UNC13C: variants seen among roughly 807,000 people sequenced by gnomAD.
UNC13C encodes the protein protein unc-13 homolog C.
Under a neutral mutation model 245.4 loss-of-function variants are expected in UNC13C, and 174 were observed. The observed-to-expected ratio is 0.71, with a 90% confidence interval of 0.63 to 0.80. The LOEUF (loss-of-function observed/expected upper bound fraction) is 0.80, where lower values mean the gene tolerates loss of function less well. Among genes scored for constraint, UNC13C ranks in the 30% least tolerant of loss-of-function variants. The pLI is 0.00. For synonymous variants in UNC13C, 992 were observed against 895.1 expected (o/e 1.11, Z -1.93); for missense variants, 2,829 against 2,602.9 (o/e 1.09, Z -1.89).
chr15:53,982,923 T>C (rs973873135), intron 1 of UNC13C, among the ~76,000 whole-genome samples: 2 of 152,176 alleles, frequency 1.3e-5, no homozygotes, highest in Non-Finnish European at 2.9e-5. Flanking sequence ...GACTTGCTTC[T>C]CCTGAGAGGC....
chr15:53,855,227 A>G, the UNC13C span, among the ~76,000 whole-genome samples: 2 of 152,186 alleles, frequency 1.3e-5, no homozygotes, highest in Non-Finnish European at 1.5e-5. Flanking sequence ...ATACAGAATC[A>G]TGTCATCTGT....
the UNC13C span, among the ~76,000 whole-genome samples, chr15:53,965,910 G>T: frequency 6.6e-6 from 1 of 152,068 alleles, no homozygotes; most frequent in Non-Finnish European, 1.5e-5. Context: ...CACTTTTTAT[G>T]GCTGCATAGT....
At chr15:54,584,289 G>C (rs769473628) in intron 30 of UNC13C, among the ~76,000 whole-genome samples, 3 of 152,204 alleles carry the variant, frequency 2.0e-5, no homozygotes, top group Non-Finnish European at 2.9e-5. Context: ...GAACACACTA[G>C]ACCTATTCTA....
intron 19 of UNC13C, among the ~76,000 whole-genome samples, chr15:54,468,898 A>C (rs1056061154): frequency 1.3e-5 from 2 of 151,512 alleles, no homozygotes; most frequent in African/African-American, 4.8e-5. Flanking sequence ...CCTTTGGCTC[A>C]AGATTACTTT....
chr15:54,483,697 C>T (rs1048852438), intron 19 of UNC13C, among the ~76,000 whole-genome samples: 10 of 152,066 alleles, frequency 6.6e-5, no homozygotes, highest in Non-Finnish European at 8.8e-5. Context: ...AGTTTCACCC[C>T]GTCTGCCTCT....
At chr15:53,927,748 A>G in the UNC13C span, among the ~76,000 whole-genome samples, 1 of 152,158 alleles carries the variant, frequency 6.6e-6, no homozygotes, top group Non-Finnish European at 1.5e-5. Context: ...AGTTTTAGAA[A>G]TGGATCCCTA....
the UNC13C span, among the ~76,000 whole-genome samples, chr15:53,961,920 C>G: frequency 6.6e-6 from 1 of 152,090 alleles, no homozygotes; most frequent in African/African-American, 2.4e-5. Flanking sequence ...CAAACTCCTT[C>G]TCTACTCTTC....
At chr15:54,393,002 T>C (rs762238266) in intron 17 of UNC13C, 46 bp from the exon 18 acceptor site, 11 of 1,476,948 alleles carry the variant, frequency 7.4e-6, no homozygotes, top group Non-Finnish European at 9.0e-6. Context: ...ACTAAAGTCA[T>C]CCCATTTAAC....
chr15:54,140,105 A>G (rs1422107113), intron 2 of UNC13C, among the ~76,000 whole-genome samples: 2 of 152,080 alleles, frequency 1.3e-5, no homozygotes, highest in Non-Finnish European at 2.9e-5. Flanking sequence ...GATTCATCTC[A>G]TAGTGCTTCT....
At chr15:54,399,999 C>G (rs183622466) in intron 18 of UNC13C, among the ~76,000 whole-genome samples, 1 of 151,986 alleles carries the variant, frequency 6.6e-6, no homozygotes, top group Admixed American at 6.6e-5. Context: ...CCTGTATATC[C>G]ATTATTCAAA....
chr15:54,457,345 T>C (rs932373578), intron 19 of UNC13C, among the ~76,000 whole-genome samples: 5 of 152,110 alleles, frequency 3.3e-5, no homozygotes, highest in Non-Finnish European at 7.4e-5. Context: ...TTTCTTTTTT[T>C]ATTCTGTCCT....
In UNC13C at chr15:54,046,912, A is replaced by G. The variant is rs566913668; in HGVS notation, c.2983+31026A>G. Among the ~76,000 whole-genome samples the G allele has an allele frequency of 2.0e-5, 3 of 152,172 alleles. No homozygotes were observed. The South Asian group carries it at 6.2e-4, about 32-fold the overall frequency. Reference sequence around the variant, plus strand: ...AAAAGATTTCTATTAAAAAAAAACTAGACATAGTAATTCAGATAGGGGTAA... The same window carrying G: ...AAAAGATTTCTATTAAAAAAAAACTGGACATAGTAATTCAGATAGGGGTAA... On this transcript the variant is annotated intron_variant, in intron 2 of 32. Transcript: ENST00000260323.
At chr15:54,033,047 G>C (rs1232282488) in intron 2 of UNC13C, among the ~76,000 whole-genome samples, 2 of 151,940 alleles carry the variant, frequency 1.3e-5, no homozygotes. Context: ...ATGCTGCTTG[G>C]GTGATGGGGG....
chr15:54,334,666 A>C lies in UNC13C; in HGVS notation c.4584+810A>C, dbSNP rs2038527236. The stretch of plus-strand genomic sequence containing the variant: ...TTTAGATTCTTTAAAGTTGAATTAA[A>C]ATTCATTTGGTTTAAAATCAGGCTA... On this transcript the variant is annotated intron_variant, in intron 16 of 32. Coordinates refer to ENST00000260323, the MANE Select transcript of UNC13C (RefSeq NM_001080534.3). Among the ~76,000 whole-genome samples the C allele has an allele frequency of 2.6e-5, 4 of 152,164 alleles. No homozygotes were observed. The South Asian group carries it at 8.3e-4, about 31-fold the overall frequency.
the UNC13C span, among the ~76,000 whole-genome samples, chr15:53,956,874 A>AGGTGTGTGTGTG: frequency 5.8e-5 from 1 of 17,370 alleles, no homozygotes; most frequent in Non-Finnish European, 2.4e-4. Flanking sequence ...AGTTAAGCTC[A>AGGTGTGTGTGTG]AGTGTGTGTG....
At chr15:54,222,036 A>G (rs1367893580) in intron 4 of UNC13C, among the ~76,000 whole-genome samples, 6 of 152,118 alleles carry the variant, frequency 3.9e-5, no homozygotes, top group Non-Finnish European at 7.4e-5. Flanking sequence ...CATACAATGC[A>G]TAATAATCAC....
chr15:54,613,490 G>GAAAT (rs1189068614), intron 30 of UNC13C, among the ~76,000 whole-genome samples: 1 of 151,770 alleles, frequency 6.6e-6, no homozygotes, highest in African/African-American at 2.4e-5. Context: ...AATACCTAGT[G>GAAAT]AAATAAAACT....
At chr15:54,265,318 C>A in intron 9 of UNC13C, 37 bp from the exon 10 acceptor site, 1 of 1,374,036 alleles carries the variant, frequency 7.3e-7, no homozygotes, top group Non-Finnish European at 9.5e-7. Flanking sequence ...TTTCTGAGGA[C>A]TCTGTATGTT....
chr15:53,959,587 T>C, the UNC13C span, among the ~76,000 whole-genome samples: 1 of 152,300 alleles, frequency 6.6e-6, no homozygotes, highest in Admixed American at 6.5e-5. Flanking sequence ...TACCCACTCT[T>C]TTAAGACTCA....
Sources: gnomAD v4.1 joint callset for allele counts (sites outside exome capture counted in the v4.1 genomes callset) on GRCh38, gnomAD v4.1.1 for gene constraint, MANE v1.5 for transcripts, NCBI Gene and HGNC (gene_info 2026-07-23, HGNC 2026-07-21) for gene names.